PVT1: variants seen among roughly 807,000 people sequenced by gnomAD.
The protein encoded by PVT1 is CXCR4/PVT1 fusion.
chr8:127,902,459 C>G (rs1164331532), intron 3 of PVT1, among the ~76,000 whole-genome samples: 1 of 146,616 alleles, frequency 6.8e-6, no homozygotes, highest in Non-Finnish European at 1.5e-5. Flanking sequence ...ATTTTAGAAT[C>G]AAGAGATGCA....
At chr8:128,093,829 G>C (rs1042025493) in intron 5 of PVT1, among the ~76,000 whole-genome samples, 1 of 152,040 alleles carries the variant, frequency 6.6e-6, no homozygotes, top group African/African-American at 2.4e-5. Flanking sequence ...GTAGAGACAG[G>C]GTTTCACCAT....
At chr8:127,826,310 C>T (rs948741915) in intron 2 of PVT1, among the ~76,000 whole-genome samples, 2 of 152,084 alleles carry the variant, frequency 1.3e-5, no homozygotes, top group African/African-American at 2.4e-5. Context: ...AAAGTGCTTC[C>T]GCTAGATTGC....
intron 2 of PVT1, among the ~76,000 whole-genome samples, chr8:127,881,497 T>C (rs747793504): frequency 2.0e-5 from 3 of 150,696 alleles, no homozygotes; most frequent in Non-Finnish European, 2.9e-5. Context: ...GTCGCCCAGG[T>C]TGGAGTGCAG....
At chr8:128,040,892 GTA>G (rs1234155737) in intron 4 of PVT1, among the ~76,000 whole-genome samples, 7 of 119,342 alleles carry the variant, frequency 5.9e-5, no homozygotes, top group Non-Finnish European at 1.1e-4. Context: ...GTGTTTGTGT[GTA>G]TATGTTTGTG....
intron 3 of PVT1, among the ~76,000 whole-genome samples, chr8:127,961,365 G>A (rs76257023): frequency 1.1e-3 from 169 of 152,322 alleles, no homozygotes; most frequent in Non-Finnish European, 2.0e-3. Context: ...CCCTGAACGC[G>A]GTGCACGAAG....
intron 3 of PVT1, among the ~76,000 whole-genome samples, chr8:127,906,434 A>G (rs775776113): frequency 2.6e-5 from 4 of 152,232 alleles, no homozygotes; most frequent in Non-Finnish European, 4.4e-5. Context: ...AGCATTTTAC[A>G]TCTTCCTGAG....
chr8:127,937,578 C>CAGAGAG (rs1296575228), intron 3 of PVT1, among the ~76,000 whole-genome samples: 1,258 of 119,166 alleles, frequency 0.011, 10 homozygotes, highest in Non-Finnish European at 0.015. Flanking sequence ...CACACACACA[C>CAGAGAG]ACAGAGAGAG....
At chr8:128,036,302 T>A (rs755298215) in intron 4 of PVT1, among the ~76,000 whole-genome samples, 5 of 152,224 alleles carry the variant, frequency 3.3e-5, no homozygotes, top group African/African-American at 7.2e-5. Flanking sequence ...AGGATTGAGC[T>A]GTGAAATGCA....
At chr8:127,864,555 CT>C (rs964134498) in intron 2 of PVT1, among the ~76,000 whole-genome samples, 30 of 149,332 alleles carry the variant, frequency 2.0e-4, no homozygotes, top group South Asian at 8.5e-4. Flanking sequence ...ATATTTCTTT[CT>C]TTTTTTTTTG....
chr8:128,056,159 T>A (rs1813759945), intron 4 of PVT1, among the ~76,000 whole-genome samples: 1 of 152,234 alleles, frequency 6.6e-6, no homozygotes, highest in African/African-American at 2.4e-5. Flanking sequence ...TGCCACTGAC[T>A]AGCTATGGGA....
intron 4 of PVT1, among the ~76,000 whole-genome samples, chr8:127,994,653 A>G (rs150155969): frequency 3.9e-5 from 6 of 152,330 alleles, no homozygotes; most frequent in African/African-American, 1.4e-4. Flanking sequence ...GGCTCATGCA[A>G]TTATGGACCC....
At chr8:127,942,395 C>G (rs1259553583) in intron 3 of PVT1, among the ~76,000 whole-genome samples, 3 of 152,194 alleles carry the variant, frequency 2.0e-5, no homozygotes, top group Non-Finnish European at 2.9e-5. Flanking sequence ...ATAGCCACCT[C>G]TCTCATTAAG....
At chr8:128,010,061 T>C (rs1180810324) in intron 4 of PVT1, 1 of 152,170 alleles carries the variant, frequency 6.6e-6, no homozygotes, top group East Asian at 1.9e-4. Flanking sequence ...AGATACTGCT[T>C]TTCAGTTCTC....
At chr8:127,946,069 C>T (rs1292043269) in intron 3 of PVT1, among the ~76,000 whole-genome samples, 2 of 152,190 alleles carry the variant, frequency 1.3e-5, no homozygotes, top group Non-Finnish European at 2.9e-5. Context: ...AGGCAGGGCT[C>T]GCTGGAGTGC....
intron 5 of PVT1, among the ~76,000 whole-genome samples, chr8:128,084,107 C>T (rs1163743235): frequency 1.3e-5 from 2 of 152,154 alleles, no homozygotes; most frequent in Non-Finnish European, 2.9e-5. Flanking sequence ...TTATCCCCCC[C>T]TTGGCAGCCA....
At chr8:128,075,161 G>C (rs1189210878) in intron 5 of PVT1, among the ~76,000 whole-genome samples, 1 of 151,980 alleles carries the variant, frequency 6.6e-6, no homozygotes. Context: ...GCAGGCCTTG[G>C]CAGAATTGAC....
chr8:127,984,991 CTCTTTCCTTCCTTCCT>C lies in PVT1; in HGVS notation n.783-4168_783-4153del, dbSNP rs1393797447. ...CCCTCCTTCCTTCCTTTCTTTCTTT[CTCTTTCCTTCCTTCCT>C]TCCTTCCTTCCTTCCTTCCTTCCTT... On this transcript the variant is annotated intron_variant and non_coding_transcript_variant, in intron 3 of 10. Coordinates refer to ENST00000651587, the Ensembl canonical transcript of PVT1. Among the ~76,000 whole-genome samples the C allele has an allele frequency of 7.0e-4, 46 of 65,834 alleles. 1 individual carries two copies. Among genetic ancestry groups the C allele is most frequent in the African/African-American group, 2.6e-3 (33 of 12,838 alleles). The allele number at this position is 65,834 out of a possible 152,430, so 43.2% of individuals were successfully genotyped here.
intron 5 of PVT1, among the ~76,000 whole-genome samples, chr8:128,092,753 C>G (rs1814375488): frequency 6.6e-6 from 1 of 152,142 alleles, no homozygotes; most frequent in South Asian, 2.1e-4. Flanking sequence ...CCCTGCATTC[C>G]CAATCCCCTC....
intron 2 of PVT1, among the ~76,000 whole-genome samples, chr8:127,813,214 T>TATATATATAATATATACAA (rs780412604): frequency 0.41 from 57,551 of 139,714 alleles, 12,390 homozygotes; most frequent in African/African-American, 0.49. Context: ...TATACAAATA[T>TATATATATAATATATACAA]ATATATATAA....
Sources: allele counts gnomAD v4.1 joint callset (sites outside exome capture counted in the v4.1 genomes callset), GRCh38; gene constraint gnomAD v4.1.1; transcripts MANE v1.5; gene names NCBI Gene and HGNC (gene_info 2026-07-23, HGNC 2026-07-21).